Variants in PLEKHG7 observed in about 807,000 individuals in gnomAD.
PLEKHG7 encodes the protein pleckstrin homology domain-containing family G member 7.
In PLEKHG7, 77 loss-of-function variants were observed where a neutral mutation model predicts 85.2. That is an observed-to-expected ratio of 0.90 (90% CI 0.75 to 1.09). The LOEUF (loss-of-function observed/expected upper bound fraction) is 1.09, where lower values mean the gene tolerates loss of function less well. Among genes scored for constraint, PLEKHG7 ranks in the 50% least tolerant of loss-of-function variants. PLEKHG7 has a pLI of 0.00. For synonymous variants in PLEKHG7, 301 were observed against 302.4 expected, an observed-to-expected ratio of 1.00 and a Z score of 0.05; for missense variants, 777 against 804.3, an observed-to-expected ratio of 0.97 and a Z score of 0.41.
At chr12:92,735,038 A>G (rs1592679473) in intron 5 of PLEKHG7, among the ~76,000 whole-genome samples, 2 of 152,144 alleles carry the variant, frequency 1.3e-5, no homozygotes, top group African/African-American at 4.8e-5. Flanking sequence ...TGGAATACCC[A>G]CCCAGCCATT....
intron 3 of PLEKHG7, chr12:92,721,498 A>C: frequency 8.1e-7 from 1 of 1,229,440 alleles, no homozygotes; most frequent in Non-Finnish European, 1.0e-6. Context: ...TTCGGATCTG[A>C]CCAGCTTGGG....
At chr12:92,764,837 A>C (rs1330747426) in intron 15 of PLEKHG7, among the ~76,000 whole-genome samples, 2 of 152,146 alleles carry the variant, frequency 1.3e-5, no homozygotes, top group African/African-American at 4.8e-5. Context: ...AGCTCTTAGA[A>C]TAATGAAAGA....
At position 92,759,614 on chromosome 12, in the gene PLEKHG7, G is replaced by T. The variant is rs1051128758; in HGVS notation, c.1637-2138G>T. 2.6e-5 allele frequency among the ~76,000 whole-genome samples: 4 copies of T among 152,318 alleles called. No homozygotes were observed. The East Asian group carries it at 7.7e-4, about 29-fold the overall frequency. On this transcript the variant is annotated intron_variant, in intron 13 of 16. Coordinates refer to ENST00000344636, the MANE Select transcript of PLEKHG7 (RefSeq NM_001377329.1). ...TCTGATAGGATTAGTATCCTAATCA[G>T]AGCAGACATCAGAGAGCTCACTCTC...
chr12:92,726,588 G>A (rs890867567), intron 3 of PLEKHG7, among the ~76,000 whole-genome samples: 3 of 152,106 alleles, frequency 2.0e-5, no homozygotes, highest in Admixed American at 6.6e-5. Context: ...CATGTTATTA[G>A]GCAGGTCCCC....
At chr12:92,712,207 T>G (rs1209086254) in intron 3 of PLEKHG7, among the ~76,000 whole-genome samples, 2 of 152,214 alleles carry the variant, frequency 1.3e-5, no homozygotes, top group Non-Finnish European at 2.9e-5. Flanking sequence ...CAGTGTGATA[T>G]CTTGCGGAGG....
chr12:92,726,951 A>G (rs1399463059), intron 3 of PLEKHG7, among the ~76,000 whole-genome samples: 3 of 152,336 alleles, frequency 2.0e-5, no homozygotes, highest in South Asian at 2.1e-4. Context: ...GGCAGTATGC[A>G]TGATTTGCAA....
At chr12:92,751,811 G>A (rs1461352192) in intron 10 of PLEKHG7, among the ~76,000 whole-genome samples, 11 of 152,042 alleles carry the variant, frequency 7.2e-5, no homozygotes, top group East Asian at 1.9e-4. Context: ...GAACCCAGGC[G>A]TTTGAGGCTA....
chr12:92,723,243 G>C (rs930791024), intron 3 of PLEKHG7, among the ~76,000 whole-genome samples: 1 of 152,064 alleles, frequency 6.6e-6, no homozygotes, highest in Non-Finnish European at 1.5e-5. Flanking sequence ...TTGGGTTATT[G>C]TTCCATTTAC....
At chr12:92,733,114 C>T (rs1872039970) in intron 5 of PLEKHG7, among the ~76,000 whole-genome samples, 1 of 152,122 alleles carries the variant, frequency 6.6e-6, no homozygotes, top group African/African-American at 2.4e-5. Context: ...TTTTTTAAGT[C>T]CCATCGCTAA....
chr12:92,729,469 T>C (rs928168969), intron 4 of PLEKHG7, among the ~76,000 whole-genome samples: 1 of 149,768 alleles, frequency 6.7e-6, no homozygotes, highest in African/African-American at 2.5e-5. Flanking sequence ...CCATTATTGC[T>C]GTCATGTTCA....
rs1399989060 is a variant in PLEKHG7, at chr12:92,770,274, G to A, written c.*79G>A. ...TTCATTCAAAGTTTTGTAACACTTA[G>A]CTAGTGATAAGCTAGAAGGAAATTT... On this transcript the variant is annotated 3_prime_UTR_variant, in exon 17 of 17. Coordinates refer to ENST00000344636, the MANE Select transcript of PLEKHG7 (RefSeq NM_001377329.1). 38 of 1,063,180 alleles carry A rather than the reference G, an allele frequency of 3.6e-5. No individual in the cohort carries two copies. The highest frequency in any genetic ancestry group is 7.0e-6 in the Non-Finnish European group (5 of 719,118). 65.9% of individuals were successfully genotyped at this position (1,063,180 alleles called of 1,614,324 possible).
At chr12:92,753,797 A>G (rs755803559) in intron 10 of PLEKHG7, among the ~76,000 whole-genome samples, 1 of 152,212 alleles carries the variant, frequency 6.6e-6, no homozygotes, top group Non-Finnish European at 1.5e-5. Context: ...ATGAAACCAG[A>G]ACTCTCCCCT....
intron 8 of PLEKHG7, 75 bp from the exon 9 acceptor site, chr12:92,741,416 C>T (rs57945538): frequency 1.1e-6 from 1 of 911,134 alleles, no homozygotes; most frequent in Non-Finnish European, 1.7e-6. Context: ...AAGAATGATA[C>T]TTGAAGTTCA....
At chr12:92,765,121 A>G (rs1308182535) in intron 15 of PLEKHG7, among the ~76,000 whole-genome samples, 2 of 152,150 alleles carry the variant, frequency 1.3e-5, no homozygotes, top group African/African-American at 4.8e-5. Flanking sequence ...GAGAAACCTT[A>G]AAGAGTGAAT....
At chr12:92,764,375 GCT>G (rs1215001437) in intron 15 of PLEKHG7, among the ~76,000 whole-genome samples, 181 bp downstream of exon 15, 1 of 152,076 alleles carries the variant, frequency 6.6e-6, no homozygotes, top group African/African-American at 2.4e-5. Flanking sequence ...TTGAGTGATA[GCT>G]CTGTTACTTG....
chr12:92,709,349 C>G (rs552763612), intron 3 of PLEKHG7, among the ~76,000 whole-genome samples: 2 of 152,332 alleles, frequency 1.3e-5, no homozygotes, highest in African/African-American at 4.8e-5. Context: ...CTGGCTTGTT[C>G]AACTGGGTAA....
At chr12:92,763,341 T>C (rs942825756) in intron 14 of PLEKHG7, among the ~76,000 whole-genome samples, 1 of 152,212 alleles carries the variant, frequency 6.6e-6, no homozygotes, top group Non-Finnish European at 1.5e-5. Context: ...AATTCAGTAT[T>C]AGATCCCAGG....
At chr12:92,720,231 C>A (rs775574631) in intron 3 of PLEKHG7, among the ~76,000 whole-genome samples, 1 of 152,110 alleles carries the variant, frequency 6.6e-6, no homozygotes, top group Non-Finnish European at 1.5e-5. Flanking sequence ...TTCATCCAGG[C>A]GTTCATTGGC....
At chr12:92,756,073 G>A in intron 12 of PLEKHG7, 133 bp downstream of exon 12, 1 of 731,626 alleles carries the variant, frequency 1.4e-6, no homozygotes, top group East Asian at 2.7e-5. Flanking sequence ...AAGAAGTAAA[G>A]TCTTCATCTG....
Sources: gnomAD v4.1 joint callset for allele counts (sites outside exome capture counted in the v4.1 genomes callset) on GRCh38, gnomAD v4.1.1 for gene constraint, MANE v1.5 for transcripts, NCBI Gene and HGNC (gene_info 2026-07-23, HGNC 2026-07-21) for gene names.